PAK1IP1: variants seen among roughly 807,000 people sequenced by gnomAD.
The protein encoded by PAK1IP1 is PAK1 interacting protein 1, also known as p21-activated protein kinase-interacting protein 1.
Under a neutral mutation model 42.0 loss-of-function variants are expected in PAK1IP1, and 24 were observed. The ratio of observed to expected loss-of-function variants is 0.57; its 90% CI spans 0.41 to 0.80. The LOEUF is 0.80. Ranked by LOEUF, PAK1IP1 falls within the 30% of genes least tolerant of loss-of-function variation. The probability of loss-of-function intolerance (pLI) is 0.00; values close to 1 mark genes in which losing one functional copy is unlikely to be tolerated. For missense variants in PAK1IP1, 411 were observed against 467.9 expected (o/e 0.88, Z 1.12); for synonymous variants, 154 against 156.7 (o/e 0.98, Z 0.13).
intron 8 of PAK1IP1, among the ~76,000 whole-genome samples, chr6:10,708,206 G>A (rs1770264289): frequency 7.3e-6 from 1 of 136,734 alleles, no homozygotes; most frequent in African/African-American, 2.8e-5. Flanking sequence ...TCCCCCCACT[G>A]CCAGTCCCTG....
In PAK1IP1 at chr6:10,704,425, T is replaced by G. The variant is rs1193173514; in HGVS notation, c.497-82T>G. ...ATAATGAATTTGAAAATGCACAGTATAAATATTTGCTATTTTTATTACTAT... is the reference window on the plus strand; with the variant it reads ...ATAATGAATTTGAAAATGCACAGTAGAAATATTTGCTATTTTTATTACTAT... On this transcript the variant is annotated intron_variant, in intron 5 of 9. Coordinates refer to ENST00000379568, the MANE Select transcript of PAK1IP1 (RefSeq NM_017906.3). 4 of 780,568 alleles carry G rather than the reference T, an allele frequency of 5.1e-6. No individual in the cohort carries two copies. In the African/African-American group the frequency reaches 7.0e-5, roughly 14 times the overall value. 48.4% of individuals were successfully genotyped at this position (780,568 alleles called of 1,614,324 possible).
chr6:10,692,292 G>C (rs1769389019), upstream of PAK1IP1, among the ~76,000 whole-genome samples: 1 of 152,158 alleles, frequency 6.6e-6, no homozygotes, highest in South Asian at 2.1e-4. Flanking sequence ...CTAATACCTT[G>C]TCTCACGTCC....
upstream of PAK1IP1, among the ~76,000 whole-genome samples, chr6:10,692,673 T>G (rs188653042): frequency 6.6e-6 from 1 of 152,290 alleles, no homozygotes; most frequent in African/African-American, 2.4e-5. Context: ...TCTCTTGATC[T>G]CGTCAAAGTG....
At chr6:10,703,344 C>G (rs1346648028) in intron 4 of PAK1IP1, 61 bp from the exon 5 acceptor site, 2 of 1,263,540 alleles carry the variant, frequency 1.6e-6, no homozygotes, top group East Asian at 2.3e-5. Flanking sequence ...TATGCTTGTT[C>G]TTTTACGCTT....
At chr6:10,702,223 A>G in intron 2 of PAK1IP1, 146 bp from the exon 3 acceptor site, 1 of 646,424 alleles carries the variant, frequency 1.5e-6, no homozygotes, top group Non-Finnish European at 2.6e-6. Flanking sequence ...CTGGGTAACA[A>G]GAGTGAAACC....
chr6:10,702,901 G>T (rs541705180), intron 4 of PAK1IP1, among the ~76,000 whole-genome samples: 1 of 152,160 alleles, frequency 6.6e-6, no homozygotes, highest in Admixed American at 6.5e-5. Context: ...CCGCCTCCCA[G>T]GTTCATGCCA....
intron 2 of PAK1IP1, among the ~76,000 whole-genome samples, chr6:10,700,328 G>T (rs1331251775): frequency 6.6e-6 from 1 of 152,126 alleles, no homozygotes; most frequent in Non-Finnish European, 1.5e-5. Flanking sequence ...AAAGTGCTGG[G>T]ATTACAGGCG....
chr6:10,701,266 G>A (rs908457408), intron 2 of PAK1IP1, among the ~76,000 whole-genome samples: 1 of 151,928 alleles, frequency 6.6e-6, no homozygotes, highest in South Asian at 2.1e-4. Flanking sequence ...CAGTAGAGAC[G>A]GGGTTTCGCC....
chr6:10,706,343 A>G (rs1374835498), intron 7 of PAK1IP1, among the ~76,000 whole-genome samples: 1 of 152,048 alleles, frequency 6.6e-6, no homozygotes, highest in Non-Finnish European at 1.5e-5. Flanking sequence ...CAAGGAGAAG[A>G]CGGTGGAAGC....
intron 7 of PAK1IP1, among the ~76,000 whole-genome samples, chr6:10,706,543 G>C (rs1312299415): frequency 6.6e-6 from 1 of 152,076 alleles, no homozygotes; most frequent in Non-Finnish European, 1.5e-5. Context: ...GTAGATCCCA[G>C]TTTTGTAGGG....
Position 10,695,032 on chromosome 6 carries a change from C to T in PAK1IP1, c.47C>T (p.Ala16Val). 2 of 1,602,804 alleles carry T rather than the reference C, an allele frequency of 1.2e-6. No individual in the cohort carries two copies. The highest frequency in any genetic ancestry group is 8.5e-7 in the Non-Finnish European group (1 of 1,179,554). Residue 16 changes from alanine (A) to valine (V), a missense_variant, in exon 1 of 10, where the codon GCT (alanine) becomes GTT (valine). Coordinates refer to ENST00000379568, the MANE Select transcript of PAK1IP1 (RefSeq NM_017906.3). ...GCYEQVLFGF[A>V]VHPEPEACGD... ...TACGAGCAGGTCCTCTTTGGGTTCG[C>T]TGTACACCCGGAGCCCGAGGCTTGC...
upstream of PAK1IP1, among the ~76,000 whole-genome samples, chr6:10,692,434 C>A (rs1007707447): frequency 1.3e-5 from 2 of 152,134 alleles, no homozygotes; most frequent in African/African-American, 4.8e-5. Flanking sequence ...ATAACTAGCA[C>A]AAAGTAAAGA....
intron 8 of PAK1IP1, 22 bp downstream of exon 8, chr6:10,707,536 A>G (rs773185176): frequency 1.5e-6 from 2 of 1,370,984 alleles, no homozygotes; most frequent in South Asian, 1.2e-5. Flanking sequence ...AACACAATCT[A>G]AATGTACTTT....
intron 8 of PAK1IP1, 24 bp downstream of exon 8, chr6:10,707,538 AT>A (rs1561895024): frequency 7.5e-7 from 1 of 1,325,410 alleles, no homozygotes; most frequent in Admixed American, 1.7e-5. Flanking sequence ...CACAATCTAA[AT>A]GTACTTTAAT....
At chr6:10,705,381 G>T (rs760590033) in intron 7 of PAK1IP1, among the ~76,000 whole-genome samples, 3 of 152,084 alleles carry the variant, frequency 2.0e-5, no homozygotes, top group Admixed American at 6.6e-5. Context: ...TTTACACAAG[G>T]TATTTTTTAA....
At chr6:10,699,691 C>G (rs919755979) in intron 2 of PAK1IP1, among the ~76,000 whole-genome samples, 22 of 152,148 alleles carry the variant, frequency 1.4e-4, no homozygotes, top group Admixed American at 9.2e-4. Context: ...TAAAATGGTG[C>G]CCTTTTTCCT....
In PAK1IP1 at chr6:10,709,553, C is replaced by G. The variant is rs1009826720; in HGVS notation, c.*101C>G. On this transcript the variant is annotated 3_prime_UTR_variant, in exon 10 of 10. Coordinates refer to ENST00000379568, the MANE Select transcript of PAK1IP1 (RefSeq NM_017906.3). ...CCTGAGTAAAAGCAAGAAATTTCTTCCTTTGGAAAAAATATATATATTAAA... is the reference window on the plus strand; with the variant it reads ...CCTGAGTAAAAGCAAGAAATTTCTTGCTTTGGAAAAAATATATATATTAAA... The G allele has an allele frequency of 2.6e-5, 16 of 611,440 alleles. No individual in the cohort carries two copies. The highest frequency in any genetic ancestry group is 3.4e-5 in the Non-Finnish European group (14 of 408,412). 37.9% of individuals were successfully genotyped at this position (611,440 alleles called of 1,614,324 possible).
In PAK1IP1 at chr6:10,697,400, T is replaced by G. The variant is rs1769890253; in HGVS notation, c.161T>G (p.Phe54Cys). ...SLSAVAVNSR[F>C]VVTGSKDETI... ...TCAGCAGTAGCTGTAAATAGTCGTT[T>G]TGTGGTCACTGGGAGCAAAGATGAA... The change falls in exon 2 of 10, where the codon TTT becomes TGT. Residue 54 changes from phenylalanine to cysteine, a missense_variant. By Grantham distance (205) the Phe-to-Cys change is radical. Coordinates refer to ENST00000379568, the MANE Select transcript of PAK1IP1 (RefSeq NM_017906.3). 6.2e-7 allele frequency: 1 copy of G among 1,614,120 alleles called. No individual in the cohort carries two copies. Among genetic ancestry groups the G allele is most frequent in the East Asian group, 2.2e-5 (1 of 44,880 alleles).
Position 10,709,053 on chromosome 6 carries a change from C to T in PAK1IP1, c.941C>T (p.Pro314Leu), listed in dbSNP as rs1770298355. 6.2e-7 allele frequency: 1 copy of T among 1,613,428 alleles called. No homozygotes were observed. The highest frequency in any genetic ancestry group is 1.3e-5 in the African/African-American group (1 of 74,928). ...GTGGCAGACATGAAAGAAAGCCTTC[C>T]TCCAGCTGCAGAGCCTTCTCCTGGT... ...DKVADMKESL[P>L]PAAEPSPVSK... Residue 314 changes from proline to leucine, a missense_variant, in exon 9 of 10, where the codon CCT becomes CTT. By Grantham distance (98) the Pro-to-Leu change is moderately conservative (BLOSUM62 -3). Transcript: ENST00000379568.
Sources: gnomAD v4.1 joint callset for allele counts (sites outside exome capture counted in the v4.1 genomes callset) on GRCh38, gnomAD v4.1.1 for gene constraint, MANE v1.5 for transcripts, NCBI Gene and HGNC (gene_info 2026-07-23, HGNC 2026-07-21) for gene names.